PPP2R2C: variants seen among roughly 807,000 people sequenced by gnomAD.
PPP2R2C encodes the protein protein phosphatase 2, regulatory subunit B, gamma.
A neutral mutation model predicts 45.3 loss-of-function variants in PPP2R2C; 10 were observed. The ratio of observed to expected loss-of-function variants is 0.22; its 90% confidence interval spans 0.14 to 0.37. The LOEUF is 0.37. Ranked by LOEUF, PPP2R2C falls within the 10% of genes least tolerant of loss-of-function variation. The probability of loss-of-function intolerance (pLI) is 1.00; values close to 1 mark genes in which losing one functional copy is unlikely to be tolerated. For missense variants in PPP2R2C, 308 were observed against 619.7 expected (o/e 0.50, Z 5.34); for synonymous variants, 257 against 245.4 (o/e 1.05, Z -0.44).
chr4:6,437,872 G>A (rs1367998893), intron 1 of PPP2R2C, among the ~76,000 whole-genome samples: 10 of 150,162 alleles, frequency 6.7e-5, no homozygotes, highest in South Asian at 2.1e-4. Context: ...TACGTGCATC[G>A]GCTGCTGTCT....
chr4:6,556,114 G>A lies in PPP2R2C; in HGVS notation c.-59+7446C>T, dbSNP rs144247078. On this transcript the variant is annotated intron_variant, in intron 1 of 9. Transcript: ENST00000506140. ...TCTGGGGAGCATCCGCATGGGGCACGTGGGGGTTCATTCCATGTGTCAACT... is the reference window on the plus strand; with the variant it reads ...TCTGGGGAGCATCCGCATGGGGCACATGGGGGTTCATTCCATGTGTCAACT... 9.2e-4 allele frequency among the ~76,000 whole-genome samples: 140 copies of A among 152,304 alleles called. 1 individual carries two copies. The highest frequency in any genetic ancestry group is 3.2e-3 in the African/African-American group (135 of 41,568).
intron 1 of PPP2R2C, among the ~76,000 whole-genome samples, chr4:6,558,111 TCA>T (rs773151013): frequency 1.1e-4 from 16 of 152,098 alleles, no homozygotes; most frequent in Non-Finnish European, 2.2e-4. Context: ...TCTCCCAACC[TCA>T]CCACATGTCA....
At chr4:6,403,927 C>T (rs1717618392) in intron 1 of PPP2R2C, among the ~76,000 whole-genome samples, 1 of 151,962 alleles carries the variant, frequency 6.6e-6, no homozygotes, top group African/African-American at 2.4e-5. Context: ...TGTGCCATTT[C>T]ACCCGTCACT....
chr4:6,501,187 G>A (rs772542745), intron 2 of PPP2R2C, among the ~76,000 whole-genome samples: 1 of 152,268 alleles, frequency 6.6e-6, no homozygotes, highest in East Asian at 1.9e-4. Context: ...GCTGTTTTCC[G>A]ATTGCTGCAC....
rs73796212 is a variant in PPP2R2C at position 6,465,732 on chromosome 4, A to C, written c.70+6428T>G. 2.0e-3 allele frequency among the ~76,000 whole-genome samples: 311 copies of C among 152,288 alleles called. 1 individual carries two copies. Among genetic ancestry groups the C allele is most frequent in the African/African-American group, 7.0e-3 (290 of 41,566 alleles). ...GTGTGCACCTCCAATTTTAAATGCA[A>C]ACATAAGAGCACGTAACTGGAATGT... On this transcript the variant is annotated intron_variant, in intron 1 of 8. Transcript: ENST00000382599.
chr4:6,359,697 G>A lies in PPP2R2C; in HGVS notation c.626-11687C>T, dbSNP rs564823490. On this transcript the variant is annotated intron_variant, in intron 5 of 8. Transcript: ENST00000382599. ...GCCTGCTCTCCTGGAGCCCAGCCAC[G>A]CGAGCTCAGCCACACCAGCCCCACG... Among the ~76,000 whole-genome samples, 4 of 150,772 alleles carry A rather than the reference G, an allele frequency of 2.7e-5. No individual in the cohort carries two copies. The South Asian group carries it at 6.3e-4, about 24-fold the overall frequency.
At chr4:6,361,802 G>C (rs532878355) in intron 5 of PPP2R2C, among the ~76,000 whole-genome samples, 1 of 152,338 alleles carries the variant, frequency 6.6e-6, no homozygotes, top group African/African-American at 2.4e-5. Context: ...ACAGCACTGA[G>C]AAGGAGCAGA....
intron 2 of PPP2R2C, among the ~76,000 whole-genome samples, chr4:6,533,109 C>T (rs1724461260): frequency 6.6e-6 from 1 of 152,190 alleles, no homozygotes; most frequent in Non-Finnish European, 1.5e-5. Context: ...GCAAACGTGA[C>T]TTTAGAAAGC....
intron 5 of PPP2R2C, among the ~76,000 whole-genome samples, chr4:6,370,849 G>A (rs1577117818): frequency 6.6e-6 from 1 of 152,196 alleles, no homozygotes; most frequent in African/African-American, 2.4e-5. Context: ...CTTCAGTGGA[G>A]GGTCAGACAG....
chr4:6,346,762 G>A (rs1711986706), intron 6 of PPP2R2C, among the ~76,000 whole-genome samples: 1 of 152,154 alleles, frequency 6.6e-6, no homozygotes. Context: ...GTCTCTGACT[G>A]CCCAGCAAAA....
intron 1 of PPP2R2C, among the ~76,000 whole-genome samples, chr4:6,560,095 C>T (rs912339091): frequency 6.6e-6 from 1 of 152,236 alleles, no homozygotes; most frequent in Non-Finnish European, 1.5e-5. Context: ...AAGAGGCATC[C>T]TGGGGCCCTT....
At chr4:6,514,597 T>C (rs75209615) in intron 2 of PPP2R2C, among the ~76,000 whole-genome samples, 4,055 of 152,288 alleles carry the variant, frequency 0.027, 172 homozygotes, top group African/African-American at 0.093. Context: ...ACTATTATGC[T>C]GGGGAGGTTC....
At chr4:6,390,910 G>A (rs2240267) in intron 1 of PPP2R2C, among the ~76,000 whole-genome samples, 34,478 of 151,932 alleles carry the variant, frequency 0.23, 4,255 homozygotes, top group African/African-American at 0.34. Context: ...AGCGGGCCTG[G>A]TGAGACGTTT....
chr4:6,511,520 T>C (rs1723486666), intron 2 of PPP2R2C, among the ~76,000 whole-genome samples: 2 of 20,836 alleles, frequency 9.6e-5, no homozygotes, highest in Non-Finnish European at 2.6e-4. Flanking sequence ...GTGGTGGTGG[T>C]GGTGATGGTG....
intron 2 of PPP2R2C, among the ~76,000 whole-genome samples, chr4:6,488,909 C>G (rs1290984390): frequency 6.6e-6 from 1 of 152,192 alleles, no homozygotes; most frequent in African/African-American, 2.4e-5. Context: ...ACTGGTATCA[C>G]AGGTCCTTTT....
intron 1 of PPP2R2C, among the ~76,000 whole-genome samples, chr4:6,539,687 C>A (rs915682288): frequency 1.3e-5 from 2 of 152,176 alleles, no homozygotes; most frequent in Non-Finnish European, 2.9e-5. Context: ...GTGGCAAGTG[C>A]GTGGGGAAAT....
intron 4 of PPP2R2C, among the ~76,000 whole-genome samples, chr4:6,373,258 G>C (rs1041281706): frequency 6.6e-6 from 1 of 152,206 alleles, no homozygotes; most frequent in African/African-American, 2.4e-5. Context: ...GATCCTGCAG[G>C]AGAGCTGTGT....
intron 1 of PPP2R2C, among the ~76,000 whole-genome samples, chr4:6,409,334 G>T (rs747152839): frequency 6.6e-6 from 1 of 152,192 alleles, no homozygotes; most frequent in Non-Finnish European, 1.5e-5. Flanking sequence ...TAGGACCTGC[G>T]AGAGTGCAGC....
chr4:6,537,334 A>G (rs186784303), intron 1 of PPP2R2C, among the ~76,000 whole-genome samples: 1 of 152,308 alleles, frequency 6.6e-6, no homozygotes, highest in East Asian at 1.9e-4. Context: ...AGGCGATTAC[A>G]TGGGGAATGG....
Sources: gnomAD v4.1 joint callset for allele counts (sites outside exome capture counted in the v4.1 genomes callset) on GRCh38, gnomAD v4.1.1 for gene constraint, MANE v1.5 for transcripts, NCBI Gene and HGNC (gene_info 2026-07-23, HGNC 2026-07-21) for gene names.